The following GLDN variants were observed in gnomAD, a reference collection of about 807,000 sequenced individuals.
GLDN encodes the protein collomin.
GLDN carries 47 observed loss-of-function variants against 56.5 expected under a neutral mutation model. The observed-to-expected ratio is 0.83, with a 90% CI of 0.66 to 1.06. GLDN has a LOEUF of 1.06. Among genes scored for constraint, GLDN ranks in the 50% least tolerant of loss-of-function variants. The pLI is 0.00. For missense variants in GLDN, 782 were observed against 714.3 expected (o/e 1.09, Z -1.08); for synonymous variants, 332 against 278.8 (o/e 1.19, Z -1.90).
intron 4 of GLDN, chr15:51,385,446 G>A (rs1407538703): frequency 6.6e-6 from 1 of 151,316 alleles, no homozygotes; most frequent in Non-Finnish European, 1.5e-5. Context: ...TGTGTGGCAG[G>A]TACCATTCTA....
At chr15:51,342,121 G>A in intron 1 of GLDN, 74 bp downstream of exon 1, 3 of 1,554,554 alleles carry the variant, frequency 1.9e-6, no homozygotes, top group Non-Finnish European at 2.6e-6. Context: ...GGACGCCGAC[G>A]CCCTCTTCTC....
chr15:51,389,205 C>T (rs2141112346), intron 4 of GLDN, among the ~76,000 whole-genome samples: 2 of 152,290 alleles, frequency 1.3e-5, no homozygotes, highest in South Asian at 4.2e-4. Flanking sequence ...TTTAAATACT[C>T]CACTATAGTG....
Position 51,404,798 on chromosome 15 carries a change from G to A in GLDN, c.*44G>A, listed in dbSNP as rs1313911415. On this transcript the variant is annotated 3_prime_UTR_variant, in exon 10 of 10. Coordinates refer to ENST00000335449, the MANE Select transcript of GLDN (RefSeq NM_181789.4). ...CTTCAGCAAATTTCAGGGGTTTTCT[G>A]GGACCAGTTCTCCCCCAACAGGAAA... The A allele has an allele frequency of 2.0e-6, 2 of 991,346 alleles. No homozygotes were observed. Among genetic ancestry groups the A allele is most frequent in the Middle Eastern group, 2.1e-4 (1 of 4,728 alleles). The allele number at this position is 991,346 out of a possible 1,614,324, so 61.4% of individuals were successfully genotyped here. A position where few individuals can be genotyped will look rare whatever the true frequency, so the allele number is the denominator to read the frequency against.
At chr15:51,360,901 G>A (rs2037286699) in intron 1 of GLDN, among the ~76,000 whole-genome samples, 1 of 152,340 alleles carries the variant, frequency 6.6e-6, no homozygotes, top group East Asian at 1.9e-4. Context: ...AGATGTTTTT[G>A]CTCTGTACAA....
intron 9 of GLDN, among the ~76,000 whole-genome samples, chr15:51,403,055 G>T (rs540476845): frequency 4.6e-5 from 7 of 152,312 alleles, no homozygotes; most frequent in African/African-American, 1.7e-4. Context: ...GCAGTTCTGC[G>T]GTGGATAACC....
At chr15:51,356,809 C>G (rs60706983) in intron 1 of GLDN, among the ~76,000 whole-genome samples, 6,213 of 152,242 alleles carry the variant, frequency 0.041, 179 homozygotes, top group Middle Eastern at 0.11. Flanking sequence ...GCCTAGAACT[C>G]AATATATTTT....
chr15:51,393,785 G>T (rs759594321), intron 4 of GLDN, among the ~76,000 whole-genome samples: 99 of 152,150 alleles, frequency 6.5e-4, no homozygotes, highest in Non-Finnish European at 1.0e-3. Context: ...ACTGCTCAGG[G>T]TCCAAGGCTG....
At position 51,404,679 on chromosome 15, in the gene GLDN, G is replaced by T. The variant is rs1187741222; in HGVS notation, c.1581G>T (p.Gln527His). The change falls in exon 10 of 10, where the codon CAG (glutamine) becomes CAT (histidine). Residue 527 changes from glutamine (Q) to histidine (H), a missense_variant. Gln to His is a conservative substitution (Grantham distance 24). Transcript: ENST00000335449. ...TGTTAGCATACAACATGAGAGATCA[G>T]CATTTATATTCATGGGAAGATGGCC... Reference protein sequence around the residue: ...LAMLAYNMRDQHLYSWEDGHL... With the variant: ...LAMLAYNMRDHHLYSWEDGHL... The T allele has an allele frequency of 6.2e-7, 1 of 1,613,270 alleles. No homozygotes were observed. The highest frequency in any genetic ancestry group is 1.3e-5 in the African/African-American group (1 of 75,024).
At chr15:51,349,573 G>T (rs2037037875) in intron 1 of GLDN, among the ~76,000 whole-genome samples, 1 of 152,192 alleles carries the variant, frequency 6.6e-6, no homozygotes, top group South Asian at 2.1e-4. Flanking sequence ...ATGCCCATTT[G>T]TTTACAGACT....
At chr15:51,348,257 C>T (rs990198674) in intron 1 of GLDN, among the ~76,000 whole-genome samples, 4 of 152,100 alleles carry the variant, frequency 2.6e-5, no homozygotes, top group South Asian at 4.2e-4. Flanking sequence ...GTACAAGAAC[C>T]GGAGCCTCCT....
chr15:51,379,490 T>C (rs2037708820), intron 2 of GLDN, among the ~76,000 whole-genome samples: 1 of 152,260 alleles, frequency 6.6e-6, no homozygotes, highest in South Asian at 2.1e-4. Context: ...ATTCTATGCC[T>C]AGGCAAATAT....
At chr15:51,343,694 G>C (rs1297142099) in intron 1 of GLDN, among the ~76,000 whole-genome samples, 1 of 152,124 alleles carries the variant, frequency 6.6e-6, no homozygotes, top group Non-Finnish European at 1.5e-5. Context: ...ACCTGCAATG[G>C]GTATGTTTTG....
intron 1 of GLDN, among the ~76,000 whole-genome samples, chr15:51,364,009 C>T (rs886802367): frequency 1.3e-5 from 2 of 152,140 alleles, no homozygotes; most frequent in African/African-American, 4.8e-5. Context: ...TTTCCTTTGG[C>T]TGCCTTTAAG....
intron 1 of GLDN, among the ~76,000 whole-genome samples, chr15:51,367,902 G>A (rs897938723): frequency 6.6e-5 from 10 of 152,146 alleles, no homozygotes; most frequent in African/African-American, 2.4e-4. Flanking sequence ...GTTTTGCTGT[G>A]ATGTTGATAG....
the GLDN span, among the ~76,000 whole-genome samples, chr15:51,413,311 A>G: frequency 6.6e-6 from 1 of 152,048 alleles, no homozygotes; most frequent in African/African-American, 2.4e-5. Context: ...CCACAGGAAC[A>G]TCAAATCTAA....
At chr15:51,386,765 C>G (rs1468263032) in intron 4 of GLDN, among the ~76,000 whole-genome samples, 1 of 152,138 alleles carries the variant, frequency 6.6e-6, no homozygotes, top group Non-Finnish European at 1.5e-5. Flanking sequence ...TCCCAGTGGA[C>G]AGTGGATACA....
At chr15:51,397,998 C>T (rs933682488) in intron 6 of GLDN, among the ~76,000 whole-genome samples, 4 of 152,174 alleles carry the variant, frequency 2.6e-5, no homozygotes, top group African/African-American at 9.7e-5. Context: ...TAGGTCCTCA[C>T]GAATAGTAAC....
downstream of GLDN, among the ~76,000 whole-genome samples, chr15:51,412,826 G>A (rs146589600): frequency 8.6e-5 from 13 of 151,848 alleles, no homozygotes; most frequent in African/African-American, 2.2e-4. Flanking sequence ...TTTGTGTATC[G>A]TCCATGGCTG....
intron 1 of GLDN, among the ~76,000 whole-genome samples, chr15:51,361,063 T>G (rs2445781): frequency 0.33 from 49,976 of 152,070 alleles, 9,105 homozygotes; most frequent in African/African-American, 0.48. Context: ...AAGTTGTTTT[T>G]GAAGGGAACA....
Sources: allele counts gnomAD v4.1 joint callset (sites outside exome capture counted in the v4.1 genomes callset), GRCh38; gene constraint gnomAD v4.1.1; transcripts MANE v1.5; gene names NCBI Gene and HGNC (gene_info 2026-07-23, HGNC 2026-07-21).